Variants in AFF3 observed in about 807,000 individuals in gnomAD.
AFF3 encodes the protein AF4/FMR2 family member 3.
Under a neutral mutation model 129.7 loss-of-function variants are expected in AFF3, and 32 were observed. That is an observed-to-expected ratio of 0.25 (90% CI 0.19 to 0.33). The LOEUF is 0.33. Among genes scored for constraint, AFF3 ranks in the 10% least tolerant of loss-of-function variants. AFF3 has a pLI of 1.00. For missense variants in AFF3, 1,373 were observed against 1,592.0 expected (o/e 0.86, Z 2.34); for synonymous variants, 644 against 635.4 (o/e 1.01, Z -0.20).
chr2:99,818,046 C>T (rs975122158), intron 8 of AFF3, among the ~76,000 whole-genome samples: 3 of 152,128 alleles, frequency 2.0e-5, no homozygotes, highest in African/African-American at 7.2e-5. Context: ...ACTCAAGGGA[C>T]TGAATATAAT....
chr2:99,802,966 T>C (rs1686064678), intron 8 of AFF3, among the ~76,000 whole-genome samples: 3 of 152,192 alleles, frequency 2.0e-5, no homozygotes, highest in African/African-American at 4.8e-5. Flanking sequence ...TCTTGCTTGA[T>C]TGCCCCAGCT....
chr2:100,063,850 G>A (rs936244854), intron 4 of AFF3, among the ~76,000 whole-genome samples: 1 of 152,142 alleles, frequency 6.6e-6, no homozygotes, highest in Non-Finnish European at 1.5e-5. Flanking sequence ...AGAACTTTGG[G>A]AGGCTGAGGC....
chr2:100,004,188 A>T (rs113382840), intron 7 of AFF3, among the ~76,000 whole-genome samples: 13 of 152,308 alleles, frequency 8.5e-5, no homozygotes, highest in African/African-American at 3.1e-4. Context: ...ACCATAGTCA[A>T]GTAATAACCT....
At chr2:99,683,366 C>A (rs1674713198) in intron 11 of AFF3, among the ~76,000 whole-genome samples, 1 of 152,158 alleles carries the variant, frequency 6.6e-6, no homozygotes, top group Non-Finnish European at 1.5e-5. Flanking sequence ...AATAAATATT[C>A]AGTATTCTAA....
At chr2:99,851,277 T>C (rs1445453751) in intron 7 of AFF3, among the ~76,000 whole-genome samples, 1 of 152,242 alleles carries the variant, frequency 6.6e-6, no homozygotes, top group East Asian at 1.9e-4. Context: ...TGGGAGTCCA[T>C]GACATTCTGT....
At chr2:99,971,256 C>T (rs865822585) in intron 7 of AFF3, among the ~76,000 whole-genome samples, 2 of 152,140 alleles carry the variant, frequency 1.3e-5, no homozygotes, top group Admixed American at 6.6e-5. Flanking sequence ...GGTCTCCGTC[C>T]GCCAGGACTT....
At chr2:99,877,068 G>A (rs1051932875) in intron 7 of AFF3, among the ~76,000 whole-genome samples, 5 of 152,178 alleles carry the variant, frequency 3.3e-5, no homozygotes, top group African/African-American at 1.2e-4. Flanking sequence ...AGATAAGAAG[G>A]TCTAACCTAA....
chr2:99,938,527 T>C (rs2106331575), intron 7 of AFF3, among the ~76,000 whole-genome samples: 1 of 152,310 alleles, frequency 6.6e-6, no homozygotes, highest in African/African-American at 2.4e-5. Flanking sequence ...TGGTAAATAC[T>C]AGTCTAGTCA....
At chr2:99,963,087 T>C (rs1677392448) in intron 7 of AFF3, among the ~76,000 whole-genome samples, 1 of 152,162 alleles carries the variant, frequency 6.6e-6, no homozygotes, top group South Asian at 2.1e-4. Context: ...ACAATTCATA[T>C]GATAGTAGAT....
At chr2:99,910,402 T>C (rs1695028415) in intron 7 of AFF3, among the ~76,000 whole-genome samples, 1 of 152,198 alleles carries the variant, frequency 6.6e-6, no homozygotes, top group African/African-American at 2.4e-5. Context: ...TTATAAAACA[T>C]TAAGGAAAGG....
intron 1 of AFF3, among the ~76,000 whole-genome samples, chr2:100,136,596 T>C (rs1454522819): frequency 6.6e-6 from 1 of 152,158 alleles, no homozygotes; most frequent in Admixed American, 6.5e-5. Flanking sequence ...CTTTCCCTTC[T>C]CCCCCATTGA....
intron 9 of AFF3, among the ~76,000 whole-genome samples, chr2:99,749,164 T>C (rs982066498): frequency 6.6e-6 from 1 of 152,192 alleles, no homozygotes; most frequent in Non-Finnish European, 1.5e-5. Context: ...AAGAAAATGG[T>C]AACTATGTGA....
chr2:100,009,082 G>T, intron 4 of AFF3, 150 bp from the exon 5 acceptor site: 1 of 1,092,890 alleles, frequency 9.2e-7, no homozygotes, highest in Non-Finnish European at 1.3e-6. Context: ...GAGTCATCAG[G>T]CAGTGTGCTG....
intron 13 of AFF3, chr2:99,630,531 T>G (rs1034469187): frequency 2.6e-5 from 4 of 152,272 alleles, no homozygotes; most frequent in African/African-American, 9.7e-5. Flanking sequence ...GGGCCAGGTA[T>G]ATTAGTTCAT....
chr2:99,784,585 C>T (rs893577863), intron 8 of AFF3, among the ~76,000 whole-genome samples: 4 of 152,270 alleles, frequency 2.6e-5, no homozygotes, highest in Non-Finnish European at 4.4e-5. Context: ...GATATTGGAA[C>T]GGCATAAAGC....
At chr2:99,989,515 A>C (rs922746065) in intron 7 of AFF3, among the ~76,000 whole-genome samples, 2 of 152,260 alleles carry the variant, frequency 1.3e-5, no homozygotes, top group African/African-American at 4.8e-5. Context: ...ATTTGTCATC[A>C]GTATATAGTA....
At chr2:99,799,641 A>G (rs1323155792) in intron 8 of AFF3, among the ~76,000 whole-genome samples, 2 of 152,128 alleles carry the variant, frequency 1.3e-5, no homozygotes, top group Non-Finnish European at 2.9e-5. Flanking sequence ...ATTTACACAG[A>G]AAAGGTGTTA....
chr2:99,691,486 C>T (rs1253955617), intron 11 of AFF3, among the ~76,000 whole-genome samples: 2 of 152,084 alleles, frequency 1.3e-5, no homozygotes. Flanking sequence ...CACTTGAGGC[C>T]ACAAAGGACT....
chr2:99,925,322 A>T (rs1483562937), intron 7 of AFF3, among the ~76,000 whole-genome samples: 1 of 152,044 alleles, frequency 6.6e-6, no homozygotes, highest in Middle Eastern at 3.2e-3. Flanking sequence ...ATCAATCCTT[A>T]TTTTTTCAAG....
Sources: allele counts gnomAD v4.1 joint callset (sites outside exome capture counted in the v4.1 genomes callset), GRCh38; gene constraint gnomAD v4.1.1; transcripts MANE v1.5; gene names NCBI Gene and HGNC (gene_info 2026-07-23, HGNC 2026-07-21).